MTARC1: variants seen among roughly 807,000 people sequenced by gnomAD.
MTARC1 encodes mitochondrial amidoxime-reducing component 1.
A neutral mutation model predicts 33.6 loss-of-function variants in MTARC1; 24 were observed. The ratio of observed to expected loss-of-function variants is 0.72; its 90% CI spans 0.52 to 1.01. The LOEUF (loss-of-function observed/expected upper bound fraction) is 1.01. Among genes scored for constraint, MTARC1 ranks in the 50% least tolerant of loss-of-function variants. MTARC1 has a pLI of 0.00. For missense variants in MTARC1, 417 were observed against 445.7 expected, an observed-to-expected ratio of 0.94 and a Z score of 0.58; for synonymous variants, 187 against 189.5, an observed-to-expected ratio of 0.99 and a Z score of 0.11.
chr1:220,804,958 C>T, intron 4 of MTARC1, 94 bp from the exon 5 acceptor site: 1 of 1,329,044 alleles, frequency 7.5e-7, no homozygotes, highest in Non-Finnish European at 1.1e-6. Context: ...ATGTGGGTGA[C>T]ATCGTTAGGT....
chr1:220,808,747 A>C (rs1485136241), intron 6 of MTARC1: 5 of 454,162 alleles, frequency 1.1e-5, no homozygotes, highest in Non-Finnish European at 2.3e-5. Context: ...GAAAAGAAAT[A>C]CAGAGGCATA....
chr1:220,813,481 T>C lies in MTARC1; in HGVS notation c.*63T>C. On this transcript the variant is annotated 3_prime_UTR_variant, in exon 7 of 7. Coordinates refer to ENST00000366910, the MANE Select transcript of MTARC1 (RefSeq NM_022746.4). The stretch of plus-strand genomic sequence containing the variant: ...AAAATGTTCTCAAAAATGACAACAC[T>C]TGAAGCATGGTGTTTCAGAACTGAG... The C allele has an allele frequency of 6.3e-7, 1 of 1,593,162 alleles. No homozygotes were observed. Among genetic ancestry groups the C allele is most frequent in the Non-Finnish European group, 8.6e-7 (1 of 1,164,994 alleles).
chr1:220,787,287 C>G (rs752714121), intron 1 of MTARC1, 68 bp downstream of exon 1: 7 of 1,469,458 alleles, frequency 4.8e-6, no homozygotes, highest in East Asian at 2.8e-5. Flanking sequence ...AAGGGAGGAG[C>G]GCAGGGGAGG....
In MTARC1 at chr1:220,787,004, C is replaced by A. The variant is rs1464450464; in HGVS notation, c.60C>A (p.Pro20=). ...ARFVLLAQSR[P]GWLGVAALGL... is the part of the protein sequence containing the mutation. Reference sequence around the variant, plus strand: ...TTGTCCTCCTCGCGCAATCCCGGCCCGGGTGGCTCGGGGTTGCCGCGCTGG... The same window carrying A: ...TTGTCCTCCTCGCGCAATCCCGGCCAGGGTGGCTCGGGGTTGCCGCGCTGG... Residue 20 remains proline, a synonymous_variant, in exon 1 of 7, where the codon CCC becomes CCA. Transcript: ENST00000366910. 1 of 1,299,930 alleles carries A rather than the reference C, an allele frequency of 7.7e-7. No homozygotes were observed. The highest frequency in any genetic ancestry group is 9.7e-7 in the Non-Finnish European group (1 of 1,031,766). The allele number at this position is 1,299,930 out of a possible 1,614,324, so 80.5% of individuals were successfully genotyped here.
At chr1:220,791,338 G>A (rs547431796) in intron 1 of MTARC1, among the ~76,000 whole-genome samples, 153 bp from the exon 2 acceptor site, 1 of 152,196 alleles carries the variant, frequency 6.6e-6, no homozygotes, top group African/African-American at 2.4e-5. Context: ...GTGTGCTGAT[G>A]TTTAGGACAG....
intron 4 of MTARC1, chr1:220,798,279 C>T (rs1036839554): frequency 5.3e-5 from 72 of 1,359,412 alleles, no homozygotes; most frequent in South Asian, 4.2e-4. Flanking sequence ...TTGACAGGTT[C>T]GTTGTTGAGT....
At position 220,818,453 on chromosome 1, in the gene MTARC1, A is replaced by T. The variant is rs1673324481; in HGVS notation, c.*5035A>T. 6.6e-6 allele frequency: 1 copy of T among 152,162 alleles called. No homozygotes were observed. The highest frequency in any genetic ancestry group is 1.5e-5 in the Non-Finnish European group (1 of 68,048). 9.4% of individuals were successfully genotyped at this position (152,162 alleles called of 1,614,324 possible). ...TGATAGGCAGGTCAAATTCACTCACATTTGGTTATTTGTTGGCCAGTCTAG... is the reference window on the plus strand; with the variant it reads ...TGATAGGCAGGTCAAATTCACTCACTTTTGGTTATTTGTTGGCCAGTCTAG... On this transcript the variant is annotated 3_prime_UTR_variant, in exon 7 of 7. Coordinates refer to ENST00000366910, the MANE Select transcript of MTARC1 (RefSeq NM_022746.4).
intron 4 of MTARC1, among the ~76,000 whole-genome samples, chr1:220,799,821 A>G (rs1234554966): frequency 1.3e-5 from 2 of 152,232 alleles, no homozygotes; most frequent in African/African-American, 4.8e-5. Flanking sequence ...ACAGGTCACC[A>G]AACTCGCCGA....
intron 4 of MTARC1, chr1:220,798,384 T>C: frequency 1.7e-6 from 2 of 1,182,496 alleles, no homozygotes; most frequent in East Asian, 1.2e-4. Context: ...TACTGTTTAG[T>C]AGACGGCTCT....
chr1:220,789,601 G>T (rs1672361015), intron 1 of MTARC1, among the ~76,000 whole-genome samples: 1 of 152,198 alleles, frequency 6.6e-6, no homozygotes, highest in South Asian at 2.1e-4. Flanking sequence ...GTTCTTTGCA[G>T]CATTGAGTGT....
intron 3 of MTARC1, 38 bp downstream of exon 3, chr1:220,796,843 C>G (rs1487119942): frequency 6.4e-7 from 1 of 1,558,288 alleles, no homozygotes; most frequent in African/African-American, 1.4e-5. Flanking sequence ...AGAAAGCAGT[C>G]ACCCCCAGAT....
chr1:220,796,875 C>T, intron 3 of MTARC1, 70 bp downstream of exon 3: 1 of 1,484,284 alleles, frequency 6.7e-7, no homozygotes, highest in South Asian at 1.3e-5. Context: ...GGTGGCATCT[C>T]TGATGACCTC....
chr1:220,819,356 G>C lies in MTARC1; in HGVS notation c.*5938G>C, dbSNP rs923100187. The C allele has an allele frequency of 1.3e-5, 2 of 152,214 alleles. No individual in the cohort carries two copies. Among genetic ancestry groups the C allele is most frequent in the East Asian group, 3.8e-4 (2 of 5,204 alleles). 9.4% of individuals were successfully genotyped at this position (152,214 alleles called of 1,614,324 possible). Reference sequence around the variant, plus strand: ...AAACAGATCTCGTTAATGTGGCCAAGATAAATGCAAGTCTATATTTTAAGG... The same window carrying C: ...AAACAGATCTCGTTAATGTGGCCAACATAAATGCAAGTCTATATTTTAAGG... On this transcript the variant is annotated 3_prime_UTR_variant, in exon 7 of 7. Transcript: ENST00000366910.
intron 4 of MTARC1, chr1:220,798,239 G>A: frequency 1.0e-5 from 15 of 1,461,024 alleles, no homozygotes; most frequent in Non-Finnish European, 1.3e-5. Context: ...AGGCAGTTCA[G>A]TATCTAAGGC....
chr1:220,807,124 A>G (rs1359556886), intron 6 of MTARC1, among the ~76,000 whole-genome samples: 1 of 152,168 alleles, frequency 6.6e-6, no homozygotes, highest in East Asian at 1.9e-4. Flanking sequence ...ATTTCATTCC[A>G]TGTAACTTTC....
intron 6 of MTARC1, chr1:220,808,906 G>T (rs1169853672): frequency 2.1e-6 from 1 of 470,984 alleles, no homozygotes; most frequent in Non-Finnish European, 4.4e-6. Flanking sequence ...AATGGCTGGA[G>T]TCTGCCGTTG....
Position 220,787,113 on chromosome 1 carries a change from A to G in MTARC1, c.169A>G (p.Thr57Ala). The G allele has an allele frequency of 6.5e-7, 1 of 1,540,928 alleles. No individual in the cohort carries two copies. The highest frequency in any genetic ancestry group is 8.7e-7 in the Non-Finnish European group (1 of 1,145,886). ...CCGGCGGCTGCTGCAGCAGGTGGGC[A>G]CAGTGGCGCAGCTCTGGATCTACCC... ...RRRRLLQQVG[T>A]VAQLWIYPVK... is the part of the protein sequence containing the mutation. The change falls in exon 1 of 7, where the codon ACA becomes GCA. Residue 57 changes from threonine (T) to alanine (A), a missense_variant. Coordinates refer to ENST00000366910, the MANE Select transcript of MTARC1 (RefSeq NM_022746.4).
chr1:220,799,041 A>G, intron 4 of MTARC1: 2 of 985,370 alleles, frequency 2.0e-6, no homozygotes, highest in East Asian at 1.1e-4. Flanking sequence ...GCTAAGTCCC[A>G]TTTACCTTGC....
At chr1:220,813,183 G>C in intron 6 of MTARC1, 109 bp from the exon 7 acceptor site, 1 of 1,435,808 alleles carries the variant, frequency 7.0e-7, no homozygotes, top group Non-Finnish European at 9.7e-7. Flanking sequence ...ACGGGATGGT[G>C]CCCTCTCGAG....
Sources: allele counts gnomAD v4.1 joint callset (sites outside exome capture counted in the v4.1 genomes callset), GRCh38; gene constraint gnomAD v4.1.1; transcripts MANE v1.5; gene names NCBI Gene and HGNC (gene_info 2026-07-23, HGNC 2026-07-21).